TMEM68: variants seen among roughly 807,000 people sequenced by gnomAD.
The protein encoded by TMEM68 is transmembrane protein 68.
In TMEM68, 25 loss-of-function variants were observed where a neutral mutation model predicts 36.9. That is an observed-to-expected ratio of 0.68 (90% CI 0.49 to 0.95). The LOEUF is 0.95. Among genes scored for constraint, TMEM68 ranks in the 40% least tolerant of loss-of-function variants. The pLI is 0.00. For missense variants in TMEM68, 333 were observed against 392.0 expected (o/e 0.85, Z 1.27); for synonymous variants, 131 against 124.4 (o/e 1.05, Z -0.35).
chr8:55,770,199 C>T (rs995035744), intron 1 of TMEM68, among the ~76,000 whole-genome samples: 2 of 152,164 alleles, frequency 1.3e-5, no homozygotes, highest in Non-Finnish European at 2.9e-5. Context: ...AAAATCTAGT[C>T]ATCTTACCTC....
In TMEM68 at chr8:55,755,524, G is replaced by A. The variant is rs148861685; in HGVS notation, c.493+720C>T. ...TGACCTCAGGTGATTTGCCCACCTC[G>A]TCCTCCCAAAGTGCTGGGATTATAG... is the stretch of plus-strand genomic sequence containing the variant. On this transcript the variant is annotated intron_variant, in intron 4 of 7. Transcript: ENST00000434581. Among the ~76,000 whole-genome samples the A allele has an allele frequency of 6.4e-3, 963 of 151,550 alleles. 9 individuals carry two copies. The highest frequency in any genetic ancestry group is 9.3e-3 in the Non-Finnish European group (629 of 67,906).
At chr8:55,763,717 C>T (rs1810877738) in intron 2 of TMEM68, 4 of 47,060 alleles carry the variant, frequency 8.5e-5, no homozygotes, top group Non-Finnish European at 1.7e-4. Context: ...CAAAAGAAAA[C>T]ATCAATATCT....
intron 1 of TMEM68, among the ~76,000 whole-genome samples, chr8:55,765,037 A>G (rs1313362571): frequency 1.3e-5 from 2 of 152,170 alleles, no homozygotes; most frequent in Non-Finnish European, 2.9e-5. Flanking sequence ...GCACCATTGC[A>G]CTCCAGCCTG....
intron 1 of TMEM68, among the ~76,000 whole-genome samples, chr8:55,772,825 T>C (rs1231753805): frequency 6.6e-6 from 1 of 152,224 alleles, no homozygotes; most frequent in East Asian, 1.9e-4. Flanking sequence ...CCCTACACTC[T>C]CGGGATCACC....
intron 7 of TMEM68, among the ~76,000 whole-genome samples, chr8:55,743,257 C>A (rs1004709309): frequency 1.3e-5 from 2 of 152,100 alleles, no homozygotes; most frequent in Non-Finnish European, 2.9e-5. Flanking sequence ...TGGCCCCCAC[C>A]CACTAAATGT....
chr8:55,760,451 T>C (rs1047446390), intron 3 of TMEM68, among the ~76,000 whole-genome samples: 3 of 152,170 alleles, frequency 2.0e-5, no homozygotes, highest in Admixed American at 6.5e-5. Context: ...TCTAGAGTGG[T>C]TGTAATAGGA....
chr8:55,742,838 A>G (rs1810145638), intron 7 of TMEM68, among the ~76,000 whole-genome samples: 1 of 151,592 alleles, frequency 6.6e-6, no homozygotes, highest in Non-Finnish European at 1.5e-5. Flanking sequence ...TACTCTCTGA[A>G]AGTATAATTA....
chr8:55,771,095 G>T (rs1036588136), intron 1 of TMEM68, among the ~76,000 whole-genome samples: 1 of 151,456 alleles, frequency 6.6e-6, no homozygotes, highest in Admixed American at 6.6e-5. Flanking sequence ...CGGAAGTTGC[G>T]GTGAGCCAAG....
At chr8:55,769,949 C>T (rs1811100576) in intron 1 of TMEM68, among the ~76,000 whole-genome samples, 1 of 152,172 alleles carries the variant, frequency 6.6e-6, no homozygotes, top group African/African-American at 2.4e-5. Flanking sequence ...AAATCTTTAA[C>T]AGAAATCTGG....
intron 1 of TMEM68, among the ~76,000 whole-genome samples, chr8:55,771,248 T>C (rs1464159818): frequency 6.6e-6 from 1 of 152,116 alleles, no homozygotes; most frequent in Non-Finnish European, 1.5e-5. Flanking sequence ...TCAGAGTATT[T>C]CAAAAACTAA....
chr8:55,761,224 C>A (rs1810781599), intron 3 of TMEM68: 1 of 152,200 alleles, frequency 6.6e-6, no homozygotes, highest in Non-Finnish European at 1.5e-5. Flanking sequence ...CCACTCTAGT[C>A]CAACATTTTC....
chr8:55,743,665 G>T, intron 6 of TMEM68, 45 bp from the exon 7 acceptor site: 1 of 1,494,316 alleles, frequency 6.7e-7, no homozygotes, highest in South Asian at 1.3e-5. Flanking sequence ...TAAGTATTCT[G>T]ACCATGTAAC....
chr8:55,743,508 C>T lies in TMEM68; in HGVS notation c.861G>A (p.Gln287=), dbSNP rs1466866524. Residue 287 remains glutamine, a synonymous_variant, in exon 7 of 8, where the codon CAG becomes CAA. Coordinates refer to ENST00000434581, the MANE Select transcript of TMEM68 (RefSeq NM_001286657.2). The stretch of plus-strand genomic sequence containing the variant: ...TTTCAGCTAATTCTTCCGCTGTTAT[C>T]TGTGGGTCATACGGAATGGGGTCGC... ...YLGDPIPYDP[Q]ITAEELAEKT... 2 of 1,535,054 alleles carry T rather than the reference C, an allele frequency of 1.3e-6. No homozygotes were observed. Among genetic ancestry groups the T allele is most frequent in the East Asian group, 2.4e-5 (1 of 40,880 alleles).
At chr8:55,770,487 G>A (rs1401090745) in intron 1 of TMEM68, among the ~76,000 whole-genome samples, 1 of 151,986 alleles carries the variant, frequency 6.6e-6, no homozygotes, top group East Asian at 1.9e-4. Flanking sequence ...CCAGCCTGGG[G>A]GCAACATACT....
chr8:55,747,895 T>C (rs1810330403), intron 5 of TMEM68: 1 of 152,220 alleles, frequency 6.6e-6, no homozygotes, highest in African/African-American at 2.4e-5. Context: ...CCAACCAGTA[T>C]GGCTGGATTT....
intron 3 of TMEM68, among the ~76,000 whole-genome samples, chr8:55,756,664 T>A (rs1810616995): frequency 1.3e-5 from 2 of 151,634 alleles, no homozygotes; most frequent in Admixed American, 1.3e-4. Context: ...CGCCAGACAC[T>A]AAGGAAGGCA....
Position 55,769,018 on chromosome 8 carries a change from T to TAAAAAAAAAAAAAAAAAA in TMEM68, c.-115+4233_-115+4250dup, listed in dbSNP as rs200493179. Among the ~76,000 whole-genome samples the TAAAAAAAAAAAAAAAAAA allele has an allele frequency of 6.1e-5, 5 of 82,092 alleles. No homozygotes were observed. The East Asian group carries it at 1.0e-3, about 17-fold the overall frequency. 53.9% of individuals were successfully genotyped at this position (82,092 alleles called of 152,430 possible). ...GTGAAAGAGCAAGAGACTCTGTCTT[T>TAAAAAAAAAAAAAAAAAA]AAAAAAAAAAAAAAAAAAAAAAAGG... On this transcript the variant is annotated intron_variant, in intron 1 of 7. Transcript: ENST00000434581.
In TMEM68 at chr8:55,756,181, G is replaced by T. The variant is rs116074997; in HGVS notation, c.493+63C>A. On this transcript the variant is annotated intron_variant, in intron 4 of 7. Transcript: ENST00000434581. ...ACGTTAGAGAGCTCAGGATAGAGAC[G>T]ACCACATAACTTGGTTTTGTTAATA... is the stretch of plus-strand genomic sequence containing the variant. 3 of 1,450,912 alleles carry T rather than the reference G, an allele frequency of 2.1e-6. No individual in the cohort carries two copies. In the South Asian group the frequency reaches 3.9e-5, roughly 19 times the overall value. The allele number at this position is 1,450,912 out of a possible 1,614,324, so 89.9% of individuals were successfully genotyped here.
intron 1 of TMEM68, among the ~76,000 whole-genome samples, chr8:55,764,352 A>C (rs188459664): frequency 5.9e-5 from 9 of 152,358 alleles, no homozygotes; most frequent in African/African-American, 2.2e-4. Flanking sequence ...TCAATTATAC[A>C]ATTATATTAG....
Sources: gnomAD v4.1 joint callset for allele counts (sites outside exome capture counted in the v4.1 genomes callset) on GRCh38, gnomAD v4.1.1 for gene constraint, MANE v1.5 for transcripts, NCBI Gene and HGNC (gene_info 2026-07-23, HGNC 2026-07-21) for gene names.